The following ASB3 variants were observed in gnomAD, a reference collection of about 807,000 sequenced individuals.
ASB3 encodes the protein ankyrin repeat and SOCS box protein 3.
ASB3 carries 41 observed loss-of-function variants against 54.5 expected under a neutral mutation model. The ratio of observed to expected loss-of-function variants is 0.75; its 90% CI spans 0.59 to 0.98. The LOEUF (loss-of-function observed/expected upper bound fraction) is 0.98. Among genes scored for constraint, ASB3 ranks in the 50% least tolerant of loss-of-function variants. The pLI, the probability that ASB3 is intolerant of heterozygous loss-of-function variation, is 0.00. For synonymous variants in ASB3, 266 were observed against 221.2 expected, an observed-to-expected ratio of 1.20 and a Z score of -1.80; for missense variants, 733 against 620.0, an observed-to-expected ratio of 1.18 and a Z score of -1.94.
intron 7 of ASB3, among the ~76,000 whole-genome samples, chr2:53,712,836 C>T (rs532721571): frequency 1.8e-4 from 27 of 152,220 alleles, no homozygotes; most frequent in East Asian, 5.8e-4. Flanking sequence ...AGTTCTGTAA[C>T]GGACTTAAGA....
At chr2:53,749,235 T>A (rs1175224049) in intron 3 of ASB3, among the ~76,000 whole-genome samples, 1 of 151,872 alleles carries the variant, frequency 6.6e-6, no homozygotes, top group African/African-American at 2.4e-5. Context: ...AAAATGCAAA[T>A]AAAAACCACA....
chr2:53,743,401 C>T (rs1375231942), intron 3 of ASB3, among the ~76,000 whole-genome samples: 1 of 152,134 alleles, frequency 6.6e-6, no homozygotes, highest in Non-Finnish European at 1.5e-5. Flanking sequence ...GCTAACCAAA[C>T]AAGGCTGGAA....
At chr2:53,764,384 T>G (rs1220680426) in intron 2 of ASB3, among the ~76,000 whole-genome samples, 1 of 152,136 alleles carries the variant, frequency 6.6e-6, no homozygotes, top group Non-Finnish European at 1.5e-5. Context: ...AATACCCTAG[T>G]TTATTATGTA....
chr2:53,748,053 T>A (rs1027629678), intron 3 of ASB3, among the ~76,000 whole-genome samples: 5 of 152,258 alleles, frequency 3.3e-5, no homozygotes, highest in African/African-American at 1.2e-4. Context: ...CCAGTCTTTT[T>A]AAAGTTTCCT....
At chr2:53,697,425 A>C (rs1669244840) in intron 8 of ASB3, among the ~76,000 whole-genome samples, 1 of 151,992 alleles carries the variant, frequency 6.6e-6, no homozygotes, top group East Asian at 1.9e-4. Flanking sequence ...TTACTTTGTT[A>C]ATAAACATGA....
chr2:53,754,469 T>G (rs1424305086), intron 2 of ASB3, among the ~76,000 whole-genome samples: 2 of 152,156 alleles, frequency 1.3e-5, no homozygotes, highest in African/African-American at 4.8e-5. Context: ...CTCACACAGG[T>G]GAGAAATACT....
chr2:53,771,069 T>TA (rs1380358788), intron 1 of ASB3, among the ~76,000 whole-genome samples: 43 of 152,308 alleles, frequency 2.8e-4, no homozygotes, highest in Non-Finnish European at 1.5e-4. Context: ...TGCAAATTCT[T>TA]AGACAGCTCC....
chr2:53,712,358 TTAACAGGATCTATTTAGTGCTCTCTACA>T (rs1299150538), intron 7 of ASB3, among the ~76,000 whole-genome samples: 1 of 152,198 alleles, frequency 6.6e-6, no homozygotes, highest in Non-Finnish European at 1.5e-5. Flanking sequence ...CTCAGTAAGT[TTAACAGGATCTATTTAGTGCTCTCTACA>T]TAACAAAATG....
At chr2:53,722,656 C>T (rs905055360) in intron 5 of ASB3, among the ~76,000 whole-genome samples, 7 of 151,988 alleles carry the variant, frequency 4.6e-5, no homozygotes, top group African/African-American at 1.4e-4. Context: ...ACAAACAAAA[C>T]AAAACCCTCA....
chr2:53,783,822 C>A (rs911912799), intron 1 of ASB3, among the ~76,000 whole-genome samples: 2 of 152,126 alleles, frequency 1.3e-5, no homozygotes, highest in African/African-American at 4.8e-5. Flanking sequence ...CCTGTTTAAT[C>A]CTTCCTGAAA....
chr2:53,740,757 G>T (rs966653820), intron 3 of ASB3, among the ~76,000 whole-genome samples: 2 of 152,098 alleles, frequency 1.3e-5, no homozygotes, highest in African/African-American at 4.8e-5. Context: ...ATTTCTCATG[G>T]TTTCTAACAG....
At chr2:53,738,845 A>G (rs1174477762) in intron 3 of ASB3, among the ~76,000 whole-genome samples, 2 of 152,186 alleles carry the variant, frequency 1.3e-5, no homozygotes, top group Non-Finnish European at 2.9e-5. Context: ...CCAAGGAAAA[A>G]GATTAAGGAT....
chr2:53,743,806 G>A (rs1357535292), intron 3 of ASB3, among the ~76,000 whole-genome samples: 2 of 152,206 alleles, frequency 1.3e-5, no homozygotes, highest in Admixed American at 6.5e-5. Flanking sequence ...TCTTCGGGAG[G>A]CCGAGGCAGG....
chr2:53,774,064 C>A, intron 1 of ASB3: 2 of 1,360,900 alleles, frequency 1.5e-6, no homozygotes, highest in South Asian at 1.4e-5. Flanking sequence ...ATATGAGATA[C>A]TCCCTTAGAT....
At chr2:53,767,582 T>C (rs911636340) in intron 1 of ASB3, 2 of 318,774 alleles carry the variant, frequency 6.3e-6, no homozygotes, top group Non-Finnish European at 1.2e-5. Flanking sequence ...GTGGGTATTG[T>C]AGTTTTCTGC....
intron 7 of ASB3, among the ~76,000 whole-genome samples, chr2:53,704,614 G>T (rs1241490384): frequency 2.0e-5 from 3 of 151,800 alleles, no homozygotes; most frequent in Admixed American, 6.6e-5. Context: ...AAAACCTACT[G>T]GGAAAATGAT....
intron 3 of ASB3, among the ~76,000 whole-genome samples, chr2:53,741,486 G>T (rs1376833491): frequency 6.6e-6 from 1 of 152,180 alleles, no homozygotes; most frequent in Non-Finnish European, 1.5e-5. Flanking sequence ...CTTCCTTGAT[G>T]AAGAAACCAA....
chr2:53,767,771 T>G (rs1673575830), intron 1 of ASB3: 9 of 1,275,248 alleles, frequency 7.1e-6, no homozygotes, highest in African/African-American at 1.5e-5. Flanking sequence ...GCGCCCCAAG[T>G]GGCCATCGCG....
At chr2:53,772,237 C>A (rs182850782) in intron 1 of ASB3, among the ~76,000 whole-genome samples, 2 of 152,036 alleles carry the variant, frequency 1.3e-5, no homozygotes, top group Admixed American at 6.6e-5. Flanking sequence ...TGCAGTGGCG[C>A]GATCTCGGCT....
Sources: allele counts gnomAD v4.1 joint callset (sites outside exome capture counted in the v4.1 genomes callset), GRCh38; gene constraint gnomAD v4.1.1; transcripts MANE v1.5; gene names NCBI Gene and HGNC (gene_info 2026-07-23, HGNC 2026-07-21).